TCF4: variants seen among roughly 807,000 people sequenced by gnomAD.
The protein encoded by TCF4 is SL3-3 enhancer factor 2.
Under a neutral mutation model 82.1 loss-of-function variants are expected in TCF4, and 3 were observed. The ratio of observed to expected loss-of-function variants is 0.04; its 90% confidence interval spans 0.02 to 0.09. The LOEUF is 0.09. Among genes scored for constraint, TCF4 ranks in the 10% least tolerant of loss-of-function variants. The pLI is 1.00. For missense variants in TCF4, 518 were observed against 852.7 expected (o/e 0.61, Z 4.89); for synonymous variants, 276 against 309.6 (o/e 0.89, Z 1.14).
At position 55,269,691 on chromosome 18, in the gene TCF4, T is replaced by G. The variant is rs1161757662; in HGVS notation, c.922+140A>C. On this transcript the variant is annotated intron_variant, in intron 11 of 19. Coordinates refer to ENST00000354452, the MANE Select transcript of TCF4 (RefSeq NM_001083962.2). ...AGCCAGTGATTTTACTTCTGTTTGG[T>G]ACATTTGTGTGTTCATTCTGTCATG... 3 of 1,130,726 alleles carry G rather than the reference T, an allele frequency of 2.7e-6. No homozygotes were observed. In the African/African-American group the frequency reaches 4.6e-5, roughly 17 times the overall value. The allele number at this position is 1,130,726 out of a possible 1,614,324, so 70.0% of individuals were successfully genotyped here. A position where few individuals can be genotyped will look rare whatever the true frequency, so the allele number is the denominator to read the frequency against.
At chr18:55,245,212 C>T (rs955120451) in intron 15 of TCF4, among the ~76,000 whole-genome samples, 6 of 152,066 alleles carry the variant, frequency 3.9e-5, no homozygotes, top group Admixed American at 2.6e-4. Flanking sequence ...CCATTTTCAA[C>T]TTCTGTTTTC....
intron 8 of TCF4, among the ~76,000 whole-genome samples, chr18:55,304,784 T>C (rs2069630252): frequency 6.6e-6 from 1 of 152,156 alleles, no homozygotes; most frequent in Non-Finnish European, 1.5e-5. Context: ...ATGAACTAGA[T>C]ATGGGAAGGA....
At chr18:55,397,353 G>A (rs1049578878) in intron 6 of TCF4, among the ~76,000 whole-genome samples, 1 of 152,142 alleles carries the variant, frequency 6.6e-6, no homozygotes, top group African/African-American at 2.4e-5. Context: ...AGCACCACAA[G>A]GAAACGAAAT....
At chr18:55,615,035 C>A (rs2097710495) in intron 2 of TCF4, among the ~76,000 whole-genome samples, 1 of 152,068 alleles carries the variant, frequency 6.6e-6, no homozygotes, top group Non-Finnish European at 1.5e-5. Context: ...TATTTTTGGA[C>A]CCCCAACTCT....
At chr18:55,234,932 A>G (rs920640902) in intron 15 of TCF4, among the ~76,000 whole-genome samples, 2 of 152,168 alleles carry the variant, frequency 1.3e-5, no homozygotes, top group Non-Finnish European at 2.9e-5. Flanking sequence ...GTAAAACGTC[A>G]AATTGCCTCC....
chr18:55,603,558 T>G (rs1259892601), intron 2 of TCF4, among the ~76,000 whole-genome samples: 1 of 152,148 alleles, frequency 6.6e-6, no homozygotes, highest in East Asian at 1.9e-4. Flanking sequence ...TGTATTTCTG[T>G]GCATACTTCT....
At chr18:55,372,365 C>G (rs1199732520) in intron 6 of TCF4, among the ~76,000 whole-genome samples, 1 of 151,662 alleles carries the variant, frequency 6.6e-6, no homozygotes, top group East Asian at 1.9e-4. Context: ...CTAGGATGCT[C>G]CAATCCCAGG....
chr18:55,499,892 TA>T (rs2096678534), intron 3 of TCF4, among the ~76,000 whole-genome samples: 1 of 152,150 alleles, frequency 6.6e-6, no homozygotes. Context: ...CTGCATATTT[TA>T]AAAACATGGC....
At chr18:55,404,715 C>T (rs995573218) in intron 5 of TCF4, among the ~76,000 whole-genome samples, 11 of 152,150 alleles carry the variant, frequency 7.2e-5, no homozygotes, top group Non-Finnish European at 5.9e-5. Flanking sequence ...AGTATGCCTT[C>T]CTGACCCCAC....
At chr18:55,587,375 G>T (rs201952016) in intron 1 of TCF4, among the ~76,000 whole-genome samples, 3 of 62,802 alleles carry the variant, frequency 4.8e-5, no homozygotes, top group Non-Finnish European at 8.9e-5. Flanking sequence ...AAAAAAAAAA[G>T]CGATATTGTA....
At chr18:55,342,192 A>T (rs1320238179) in intron 8 of TCF4, among the ~76,000 whole-genome samples, 1 of 152,194 alleles carries the variant, frequency 6.6e-6, no homozygotes, top group African/African-American at 2.4e-5. Context: ...TATTTACTAA[A>T]GGGAAAATGA....
chr18:55,385,671 G>T (rs1350244743), intron 6 of TCF4, among the ~76,000 whole-genome samples: 2 of 152,224 alleles, frequency 1.3e-5, no homozygotes, highest in Non-Finnish European at 2.9e-5. Flanking sequence ...AAAGTTCTAG[G>T]ATTATAGGCA....
At chr18:55,587,578 CCTCGCACACTCACA>C (rs1445030822) in intron 1 of TCF4, among the ~76,000 whole-genome samples, 16 of 151,434 alleles carry the variant, frequency 1.1e-4, no homozygotes, top group Non-Finnish European at 1.8e-4. Flanking sequence ...ACCCCACCCC[CCTCGCACACTCACA>C]CTCGCACACG....
chr18:55,508,250 G>C (rs1262650487), intron 3 of TCF4, among the ~76,000 whole-genome samples: 1 of 152,100 alleles, frequency 6.6e-6, no homozygotes, highest in Non-Finnish European at 1.5e-5. Context: ...AGAAAACTTT[G>C]CTGCTTTAAA....
At position 55,254,712 on chromosome 18, in the gene TCF4, C is replaced by A. The variant is rs1192470882; in HGVS notation, c.1147-12G>T. 6.3e-7 allele frequency: 1 copy of A among 1,599,528 alleles called. No homozygotes were observed. The highest frequency in any genetic ancestry group is 1.7e-5 in the Admixed American group (1 of 57,992). On this transcript the variant is annotated splice_polypyrimidine_tract_variant and intron_variant, in intron 14 of 19. Transcript: ENST00000354452. ...TCAATTCGGCTTTGCTGTTGGTTAA[C>A]AAATGATGTAAAATTTGATTTAGTT... is the stretch of plus-strand genomic sequence containing the variant.
intron 3 of TCF4, among the ~76,000 whole-genome samples, chr18:55,581,662 A>G (rs1391002939): frequency 6.6e-6 from 1 of 152,022 alleles, no homozygotes; most frequent in Non-Finnish European, 1.5e-5. Flanking sequence ...AATTTTCTGT[A>G]TCATACAAAA....
chr18:55,528,961 T>A (rs1197348468), intron 3 of TCF4, among the ~76,000 whole-genome samples: 1 of 152,134 alleles, frequency 6.6e-6, no homozygotes, highest in Admixed American at 6.6e-5. Context: ...GTGGGTCACC[T>A]GAGGTCAGTA....
chr18:55,362,335 AAAAG>A (rs1400948814), intron 6 of TCF4, among the ~76,000 whole-genome samples: 3 of 143,740 alleles, frequency 2.1e-5, no homozygotes, highest in Non-Finnish European at 4.6e-5. Flanking sequence ...AAACAAAAAA[AAAAG>A]AGGAAGGAAG....
At chr18:55,330,807 T>C (rs1023398614) in intron 8 of TCF4, among the ~76,000 whole-genome samples, 1 of 152,082 alleles carries the variant, frequency 6.6e-6, no homozygotes, top group Non-Finnish European at 1.5e-5. Context: ...GACCTCGTGA[T>C]CCGCCCGCCC....
Sources: gnomAD v4.1 joint callset for allele counts (sites outside exome capture counted in the v4.1 genomes callset) on GRCh38, gnomAD v4.1.1 for gene constraint, MANE v1.5 for transcripts, NCBI Gene and HGNC (gene_info 2026-07-23, HGNC 2026-07-21) for gene names.